ENPP7: variants seen among roughly 807,000 people sequenced by gnomAD.
ENPP7 encodes the protein ectonucleotide pyrophosphatase/phosphodiesterase 7, also known as ectonucleotide pyrophosphatase/phosphodiesterase family member 7.
Under a neutral mutation model 33.6 loss-of-function variants are expected in ENPP7, and 39 were observed. The observed-to-expected ratio is 1.16, with a 90% CI of 0.90 to 1.52. The LOEUF (loss-of-function observed/expected upper bound fraction) is 1.52. Ranked by LOEUF, ENPP7 falls within the 40% of genes most tolerant of loss-of-function variation. ENPP7 has a pLI of 0.00. For synonymous variants in ENPP7, 244 were observed against 274.3 expected, an observed-to-expected ratio of 0.89 and a Z score of 1.09; for missense variants, 594 against 641.0, an observed-to-expected ratio of 0.93 and a Z score of 0.79.
rs58744239 is a variant in ENPP7 at position 79,736,536 on chromosome 17, CGTGTGTGTGTGTGT to C, written c.1027-479_1027-466del. Among the ~76,000 whole-genome samples the C allele has an allele frequency of 1.6e-3, 231 of 146,116 alleles. 1 individual carries two copies. Among genetic ancestry groups the C allele is most frequent in the East Asian group, 0.011 (55 of 4,830 alleles). On this transcript the variant is annotated intron_variant, in intron 3 of 5. Coordinates refer to ENST00000328313, the MANE Select transcript of ENPP7 (RefSeq NM_178543.5). ...TCATGACCAGGCACTGTGTGATAGG[CGTGTGTGTGTGTGT>C]GTGTGTGTGTGTGTGTGTGTGTGTG...
chr17:79,740,169 C>T (rs2094302849), intron 5 of ENPP7, among the ~76,000 whole-genome samples: 1 of 152,008 alleles, frequency 6.6e-6, no homozygotes, highest in Non-Finnish European at 1.5e-5. Context: ...CTGCACTCCA[C>T]CATGGGCAAG....
In ENPP7 at chr17:79,737,265, G is replaced by A. The variant is rs1555823815; in HGVS notation, c.1246+5G>A. 11 of 1,591,794 alleles carry A rather than the reference G, an allele frequency of 6.9e-6. No individual in the cohort carries two copies. The South Asian group carries it at 1.0e-4, about 15-fold the overall frequency. Reference sequence around the variant, plus strand: ...TGCTGCCCATGCTGCACACAGGTGAGGGCAGGGTGCCCCAAATCCCCGCCT... The same window carrying A: ...TGCTGCCCATGCTGCACACAGGTGAAGGCAGGGTGCCCCAAATCCCCGCCT... On this transcript the variant is annotated splice_donor_5th_base_variant and intron_variant, in intron 4 of 5. Transcript: ENST00000328313. The surrounding 1 kb of genome is among the most constrained non-coding windows in gnomAD (Gnocchi z 5.5).
At chr17:79,732,910 C>T (rs782130035) in intron 1 of ENPP7, among the ~76,000 whole-genome samples, 4 of 152,230 alleles carry the variant, frequency 2.6e-5, no homozygotes, top group African/African-American at 4.8e-5. Flanking sequence ...CGGAGGTGTG[C>T]GGGTCTCCCG....
At position 79,738,269 on chromosome 17, in the gene ENPP7, G is replaced by T. The variant is rs1476700770; in HGVS notation, c.*16+207G>T. ...TTCCAGCCTCTCTGCTCTGGGCTTG[G>T]AGGAGGTCTTTCCAGAGCAGACCAC... is the stretch of plus-strand genomic sequence containing the variant. On this transcript the variant is annotated intron_variant, in intron 5 of 5. Coordinates refer to ENST00000328313, the MANE Select transcript of ENPP7 (RefSeq NM_178543.5). The surrounding 1 kb of genome is among the most constrained non-coding windows in gnomAD (Gnocchi z 6.2). 10 of 566,324 alleles carry T rather than the reference G, an allele frequency of 1.8e-5. No homozygotes were observed. The highest frequency in any genetic ancestry group is 9.4e-5 in the African/African-American group (5 of 53,180). 35.1% of individuals were successfully genotyped at this position (566,324 alleles called of 1,614,324 possible).
intron 2 of ENPP7, among the ~76,000 whole-genome samples, chr17:79,734,679 C>T (rs1170773212): frequency 2.6e-5 from 4 of 152,108 alleles, no homozygotes; most frequent in Admixed American, 6.5e-5. Context: ...AGGGTTTCAC[C>T]GTGCTAGCCA....
intron 1 of ENPP7, among the ~76,000 whole-genome samples, chr17:79,732,131 T>TATATACATATATACAC (rs1568485076): frequency 0.011 from 213 of 19,984 alleles, 23 homozygotes; most frequent in Middle Eastern, 0.017. Context: ...CATATATATA[T>TATATACATATATACAC]GTATATATAT....
At chr17:79,732,267 A>C (rs1555822711) in intron 1 of ENPP7, among the ~76,000 whole-genome samples, 1 of 150,450 alleles carries the variant, frequency 6.6e-6, no homozygotes, top group Non-Finnish European at 1.5e-5. Flanking sequence ...ACAGAGCAAG[A>C]CCCTGTGTCA....
Position 79,734,344 on chromosome 17 carries a change from ACCGG to A in ENPP7, c.399+693_400-694del, listed in dbSNP as rs1555823066. Among the ~76,000 whole-genome samples the A allele has an allele frequency of 2.6e-5, 4 of 152,274 alleles. No individual in the cohort carries two copies. In the East Asian group the frequency reaches 7.7e-4, roughly 29 times the overall value. On this transcript the variant is annotated intron_variant, in intron 2 of 5. Coordinates refer to ENST00000328313, the MANE Select transcript of ENPP7 (RefSeq NM_178543.5). ...CATAGACACACTCAGGGCTCCTTCCACCGGCTGGTGAGCAGGAAGCCAAGGTAGA... is the reference window on the plus strand; with the variant it reads ...CATAGACACACTCAGGGCTCCTTCCACTGGTGAGCAGGAAGCCAAGGTAGA...
At position 79,737,115 on chromosome 17, in the gene ENPP7, C is replaced by T. The variant is rs375313861; in HGVS notation, c.1101C>T (p.Arg367=). 53 of 1,614,048 alleles carry T rather than the reference C, an allele frequency of 3.3e-5. No homozygotes were observed. Among genetic ancestry groups the T allele is most frequent in the East Asian group, 6.7e-5 (3 of 44,882 alleles). The change falls in exon 4 of 6, where the codon CGC becomes CGT. Residue 367 remains arginine (R), a synonymous_variant. Transcript: ENST00000328313. This position sits in a 1 kb window ranked among gnomAD's most constrained non-coding sequence, Gnocchi z 5.5. The part of the protein sequence containing the change: ...NKDMDMKTIF[R]AVGPSFRAGL... ...ACATGGACATGAAGACCATCTTCCG[C>T]GCTGTGGGCCCTAGCTTCAGGGCGG...
chr17:79,737,840 A>C lies in ENPP7; in HGVS notation c.1247-76A>C. 6.6e-7 allele frequency: 1 copy of C among 1,516,794 alleles called. No individual in the cohort carries two copies. The highest frequency in any genetic ancestry group is 9.1e-7 in the Non-Finnish European group (1 of 1,100,492). 94.0% of individuals were successfully genotyped at this position (1,516,794 alleles called of 1,614,324 possible). A position where few individuals can be genotyped will look rare whatever the true frequency, so the allele number is the denominator to read the frequency against. On this transcript the variant is annotated intron_variant, in intron 4 of 5. Transcript: ENST00000328313. The surrounding 1 kb of genome is among the most constrained non-coding windows in gnomAD (Gnocchi z 5.5). ...AGGGGCTCGTGGGGACCAACAGAGG[A>C]CCCCGAGTTTACTGTGGAGAGGCTG... is the stretch of plus-strand genomic sequence containing the variant.
In ENPP7 at chr17:79,741,803, G is replaced by A; in HGVS notation, c.*26G>A. The A allele has an allele frequency of 6.1e-6, 6 of 986,016 alleles. No individual in the cohort carries two copies. The highest frequency in any genetic ancestry group is 7.2e-6 in the Non-Finnish European group (6 of 830,452). 61.1% of individuals were successfully genotyped at this position (986,016 alleles called of 1,614,324 possible). ...CTGCTTGCTCTTCCAGGAAGCCGCC[G>A]GGAGCTGCCCGCAGGCCCTGGGCCG... On this transcript the variant is annotated 3_prime_UTR_variant, in exon 6 of 6. Transcript: ENST00000328313.
chr17:79,737,251 C>A lies in ENPP7; in HGVS notation c.1237C>A (p.Leu413Met). The change falls in exon 4 of 6, where the codon CTG (leucine) becomes ATG (methionine). Residue 413 changes from leucine (L) to methionine (M), a missense_variant. Physicochemically the swap from Leu to Met is conservative, Grantham distance 15 (BLOSUM62 2). Around this residue, in one of 3 missense-constraint regions of ENPP7, gnomAD observed 504 missense variants for 512.8 expected, o/e 0.98. Transcript: ENST00000328313. The surrounding 1 kb of genome is among the most constrained non-coding windows in gnomAD (Gnocchi z 5.5). The part of the protein sequence containing the change: ...DGHLATLLPM[L>M]HTESALPPDG... The stretch of plus-strand genomic sequence containing the variant: ...GCACCTAGCTACTCTGCTGCCCATG[C>A]TGCACACAGGTGAGGGCAGGGTGCC... 6.2e-7 allele frequency: 1 copy of A among 1,603,652 alleles called. No homozygotes were observed. Among genetic ancestry groups the A allele is most frequent in the Non-Finnish European group, 8.5e-7 (1 of 1,177,970 alleles).
chr17:79,737,907 T>C lies in ENPP7; in HGVS notation c.1247-9T>C. On this transcript the variant is annotated splice_polypyrimidine_tract_variant and intron_variant, in intron 4 of 5. Coordinates refer to ENST00000328313, the MANE Select transcript of ENPP7 (RefSeq NM_178543.5). This position sits in a 1 kb window ranked among gnomAD's most constrained non-coding sequence, Gnocchi z 5.5. Reference sequence around the variant, plus strand: ...CTCTCTCCCTCACAGGTCCTCTGGCTTTCCTTAGAATCTGCTCTTCCGCCT... The same window carrying C: ...CTCTCTCCCTCACAGGTCCTCTGGCCTTCCTTAGAATCTGCTCTTCCGCCT... The C allele has an allele frequency of 6.2e-7, 1 of 1,613,604 alleles. No homozygotes were observed. The highest frequency in any genetic ancestry group is 8.5e-7 in the Non-Finnish European group (1 of 1,179,916).
Position 79,735,504 on chromosome 17 carries a change from C to T in ENPP7, c.861C>T (p.Leu287=). 6.2e-7 allele frequency: 1 copy of T among 1,614,074 alleles called. No homozygotes were observed. Among genetic ancestry groups the T allele is most frequent in the East Asian group, 2.2e-5 (1 of 44,882 alleles). ...ACTACGGACCAAACGGGATGCTGCT[C>T]CCTAAAGAAGGGAGGCTGGAGAAGG... ...LLDYGPNGML[L]PKEGRLEKVY... is the part of the protein sequence containing the mutation. The change falls in exon 3 of 6, where the codon CTC becomes CTT. Residue 287 remains leucine, a synonymous_variant. Coordinates refer to ENST00000328313, the MANE Select transcript of ENPP7 (RefSeq NM_178543.5). This position sits in a 1 kb window ranked among gnomAD's most constrained non-coding sequence, Gnocchi z 5.5.
rs73410355 is a variant in ENPP7 at position 79,731,199 on chromosome 17, C to T, written c.60C>T (p.Ala20=). The change falls in exon 1 of 6, where the codon GCC becomes GCT. Residue 20 remains alanine, a synonymous_variant. Transcript: ENST00000328313. ...TGGCCACGCTCCTGGCTCCCGGGGC[C>T]GGAGCACCGGTACAAAGTCAGGGCT... is the stretch of plus-strand genomic sequence containing the variant. ...VALATLLAPG[A]GAPVQSQGSQ... 2.0e-3 allele frequency: 3,221 copies of T among 1,611,804 alleles called. 63 individuals carry two copies. In the African/African-American group the frequency reaches 0.038, roughly 19 times the overall value.
chr17:79,738,443 G>A lies in ENPP7; in HGVS notation c.*16+381G>A. 4.6e-6 allele frequency: 1 copy of A among 218,086 alleles called. No homozygotes were observed. The highest frequency in any genetic ancestry group is 9.4e-6 in the Non-Finnish European group (1 of 106,330). The allele number at this position is 218,086 out of a possible 1,614,324, so 13.5% of individuals were successfully genotyped here. A position where few individuals can be genotyped will look rare whatever the true frequency, so the allele number is the denominator to read the frequency against. ...GTCACCTGCGGTGCATTTGGGAGGA[G>A]AGCTCTGGGGCTGTGTTCCTGGAAC... is the stretch of plus-strand genomic sequence containing the variant. On this transcript the variant is annotated intron_variant, in intron 5 of 5. Coordinates refer to ENST00000328313, the MANE Select transcript of ENPP7 (RefSeq NM_178543.5). The surrounding 1 kb of genome is among the most constrained non-coding windows in gnomAD (Gnocchi z 6.2).
Position 79,737,218 on chromosome 17 carries a change from A to G in ENPP7, c.1204A>G (p.Asn402Asp), listed in dbSNP as rs782193676. The part of the protein sequence containing the change: ...CRLLGIVPEA[N>D]DGHLATLLPM... Reference sequence around the variant, plus strand: ...GCTGCTGGGCATCGTGCCCGAGGCCAACGATGGGCACCTAGCTACTCTGCT... The same window carrying G: ...GCTGCTGGGCATCGTGCCCGAGGCCGACGATGGGCACCTAGCTACTCTGCT... The change falls in exon 4 of 6, where the codon AAC becomes GAC. Residue 402 changes from asparagine to aspartate, a missense_variant. By Grantham distance (23) the Asn-to-Asp change is conservative (BLOSUM62 1). Around this residue, in one of 3 missense-constraint regions of ENPP7, gnomAD observed 504 missense variants for 512.8 expected, o/e 0.98. Coordinates refer to ENST00000328313, the MANE Select transcript of ENPP7 (RefSeq NM_178543.5). This position sits in a 1 kb window ranked among gnomAD's most constrained non-coding sequence, Gnocchi z 5.5. The G allele has an allele frequency of 8.1e-6, 13 of 1,611,262 alleles. No individual in the cohort carries two copies. Among genetic ancestry groups the G allele is most frequent in the African/African-American group, 1.3e-5 (1 of 74,930 alleles).
Position 79,735,115 on chromosome 17 carries a change from C to A in ENPP7, c.472C>A (p.Arg158=). The A allele has an allele frequency of 6.2e-7, 1 of 1,613,026 alleles. No homozygotes were observed. Among genetic ancestry groups the A allele is most frequent in the South Asian group, 1.1e-5 (1 of 91,072 alleles). The change falls in exon 3 of 6, where the codon CGG becomes AGG. Residue 158 remains arginine (R), a synonymous_variant. Transcript: ENST00000328313. This position sits in a 1 kb window ranked among gnomAD's most constrained non-coding sequence, Gnocchi z 5.5. ...TYQGVAVTRS[R]KEGIAHNYKN... is the part of the protein sequence containing the mutation. ...CCAAGGGGTGGCTGTGACGCGGAGC[C>A]GGAAAGAAGGCATCGCACACAACTA...
chr17:79,740,010 A>G (rs1476151165), intron 5 of ENPP7, among the ~76,000 whole-genome samples: 3 of 152,118 alleles, frequency 2.0e-5, no homozygotes, highest in African/African-American at 7.2e-5. Flanking sequence ...TTGGCAATAT[A>G]GTTAGACCCC....
Sources: gnomAD v4.1 joint callset for allele counts (sites outside exome capture counted in the v4.1 genomes callset) on GRCh38, gnomAD v4.1.1 for gene constraint, gnomAD v4.1.1 regional missense constraint, Gnocchi (gnomAD v3.1) non-coding constraint, MANE v1.5 for transcripts, NCBI Gene and HGNC (gene_info 2026-07-23, HGNC 2026-07-21) for gene names.